DPYSL2: variants seen among roughly 807,000 people sequenced by gnomAD.
DPYSL2 encodes dihydropyrimidinase-related protein 2.
A neutral mutation model predicts 69.9 loss-of-function variants in DPYSL2; 13 were observed. That is an observed-to-expected ratio of 0.19 (90% CI 0.12 to 0.30). The LOEUF (loss-of-function observed/expected upper bound fraction) is 0.30, where lower values mean the gene tolerates loss of function less well. DPYSL2 is among the 10% of genes least tolerant of loss of function. The pLI, the probability that DPYSL2 is intolerant of heterozygous loss-of-function variation, is 1.00. For synonymous variants in DPYSL2, 326 were observed against 359.1 expected, an observed-to-expected ratio of 0.91 and a Z score of 1.04; for missense variants, 587 against 918.9, an observed-to-expected ratio of 0.64 and a Z score of 4.67.
chr8:26,588,970 C>T lies in DPYSL2; in HGVS notation c.628+4987C>T, dbSNP rs1801663907. Among the ~76,000 whole-genome samples, 1 of 152,310 alleles carries T rather than the reference C, an allele frequency of 6.6e-6. No individual in the cohort carries two copies. Among genetic ancestry groups the T allele is most frequent in the South Asian group, 2.1e-4 (1 of 4,828 alleles). ...TTGTCACCTCTTCCTGGATTTTGGC[C>T]CTGTCCTCTGAGGAGTCTTACTGTC... On this transcript the variant is annotated intron_variant, in intron 3 of 13. Coordinates refer to ENST00000521913, the MANE Select transcript of DPYSL2 (RefSeq NM_001197293.3). The surrounding 1 kb of genome is among the most constrained non-coding windows in gnomAD (Gnocchi z 5.4).
chr8:26,644,473 A>AT lies in DPYSL2; in HGVS notation c.1425+392dup, dbSNP rs901717036. Among the ~76,000 whole-genome samples the AT allele has an allele frequency of 2.7e-5, 4 of 149,464 alleles. No homozygotes were observed. Among genetic ancestry groups the AT allele is most frequent in the East Asian group, 2.0e-4 (1 of 5,096 alleles). ...AGGCTCAGACCACCATGCCTGGCTAATTTTTTTTTTATTTTTTGTGGAGAT... is the reference window on the plus strand; with the variant it reads ...AGGCTCAGACCACCATGCCTGGCTAATTTTTTTTTTTATTTTTTGTGGAGAT... On this transcript the variant is annotated intron_variant, in intron 10 of 13. Coordinates refer to ENST00000521913, the MANE Select transcript of DPYSL2 (RefSeq NM_001197293.3). This position sits in a 1 kb window ranked among gnomAD's most constrained non-coding sequence, Gnocchi z 4.5.
At chr8:26,557,892 T>C (rs952807684) in intron 1 of DPYSL2, among the ~76,000 whole-genome samples, 15 of 151,870 alleles carry the variant, frequency 9.9e-5, no homozygotes, top group African/African-American at 3.4e-4. Context: ...TGGCATCTCA[T>C]TTCATCCTCA....
At chr8:26,541,799 A>G (rs1800688161) in intron 1 of DPYSL2, among the ~76,000 whole-genome samples, 2 of 152,240 alleles carry the variant, frequency 1.3e-5, no homozygotes, top group African/African-American at 4.8e-5. Context: ...AAAACCTGTA[A>G]CAGATACACA....
rs1802199549 is a variant in DPYSL2 at position 26,610,461 on chromosome 8, C to T, written c.629-13682C>T. 6.6e-6 allele frequency among the ~76,000 whole-genome samples: 1 copy of T among 152,150 alleles called. No individual in the cohort carries two copies. Among genetic ancestry groups the T allele is most frequent in the Admixed American group, 6.5e-5 (1 of 15,272 alleles). On this transcript the variant is annotated intron_variant, in intron 3 of 13. Coordinates refer to ENST00000521913, the MANE Select transcript of DPYSL2 (RefSeq NM_001197293.3). This position sits in a 1 kb window ranked among gnomAD's most constrained non-coding sequence, Gnocchi z 4.5. ...ATTTACTCTTATGTTACAATTAGTG[C>T]CTGCTTGCTGTGTGAACAGGACAGA...
rs1803031131 is a variant in DPYSL2 at position 26,641,124 on chromosome 8, A to C, written c.1127-2315A>C. ...CAAGAACCAGCCCCTCCTTGTACTT[A>C]AGTTTCTAGAGGCAGGGCCGAGGAG... is the stretch of plus-strand genomic sequence containing the variant. On this transcript the variant is annotated intron_variant, in intron 8 of 13. Transcript: ENST00000521913. This position sits in a 1 kb window ranked among gnomAD's most constrained non-coding sequence, Gnocchi z 4.1. 6.6e-6 allele frequency among the ~76,000 whole-genome samples: 1 copy of C among 152,142 alleles called. No homozygotes were observed. The highest frequency in any genetic ancestry group is 2.1e-4 in the South Asian group (1 of 4,824).
chr8:26,633,721 ACTC>A (rs1280361986), intron 7 of DPYSL2, among the ~76,000 whole-genome samples: 1 of 150,976 alleles, frequency 6.6e-6, no homozygotes, highest in Non-Finnish European at 1.5e-5. Flanking sequence ...GGTGATCCAC[ACTC>A]CTCAGCCTCC....
chr8:26,632,784 G>T (rs1220109543), intron 7 of DPYSL2, among the ~76,000 whole-genome samples: 1 of 152,210 alleles, frequency 6.6e-6, no homozygotes, highest in Non-Finnish European at 1.5e-5. Flanking sequence ...GCCTGGTGCT[G>T]CCGGGCCACA....
At chr8:26,601,981 G>C (rs1802002918) in intron 3 of DPYSL2, among the ~76,000 whole-genome samples, 1 of 152,204 alleles carries the variant, frequency 6.6e-6, no homozygotes, top group Non-Finnish European at 1.5e-5. Flanking sequence ...CCTGGGCAAA[G>C]GCTTATTTTA....
chr8:26,643,578 C>T lies in DPYSL2; in HGVS notation c.1266C>T (p.Leu422=). Residue 422 remains leucine, a synonymous_variant, in exon 9 of 14, where the codon CTC becomes CTT. Coordinates refer to ENST00000521913, the MANE Select transcript of DPYSL2 (RefSeq NM_001197293.3). The surrounding 1 kb of genome is among the most constrained non-coding windows in gnomAD (Gnocchi z 6.5). ...CTGATCCAACCACTCCAGACTTTCT[C>T]AACTCCTTGCTGTCCTGGTGAGTCC... ...LSPDPTTPDF[L]NSLLSCGDLQ... is the part of the protein sequence containing the mutation. The T allele has an allele frequency of 6.2e-7, 1 of 1,614,216 alleles. No individual in the cohort carries two copies. The highest frequency in any genetic ancestry group is 8.5e-7 in the Non-Finnish European group (1 of 1,180,034).
At chr8:26,635,649 C>G (rs1802896316) in intron 8 of DPYSL2, among the ~76,000 whole-genome samples, 1 of 151,946 alleles carries the variant, frequency 6.6e-6, no homozygotes, top group African/African-American at 2.4e-5. Context: ...GGATCTTAGG[C>G]TGATCTGAAA....
chr8:26,618,802 A>G (rs916606308), intron 3 of DPYSL2, among the ~76,000 whole-genome samples: 1 of 118,234 alleles, frequency 8.5e-6, no homozygotes, highest in South Asian at 2.6e-4. Flanking sequence ...AAAAAAAAAT[A>G]CAAAAATTAG....
At position 26,652,497 on chromosome 8, in the gene DPYSL2, A is replaced by G. The variant is rs991803969; in HGVS notation, c.1776+61A>G. On this transcript the variant is annotated intron_variant, in intron 12 of 13. Coordinates refer to ENST00000521913, the MANE Select transcript of DPYSL2 (RefSeq NM_001197293.3). This position sits in a 1 kb window ranked among gnomAD's most constrained non-coding sequence, Gnocchi z 6.3. ...TCACGAATTAAGTTCAAGGCCACAAACATTTATTAAGCACCTTGAGACAGA... is the reference window on the plus strand; with the variant it reads ...TCACGAATTAAGTTCAAGGCCACAAGCATTTATTAAGCACCTTGAGACAGA... 2.0e-6 allele frequency: 3 copies of G among 1,508,726 alleles called. No homozygotes were observed. Among genetic ancestry groups the G allele is most frequent in the Non-Finnish European group, 2.7e-6 (3 of 1,106,916 alleles). The allele number at this position is 1,508,726 out of a possible 1,614,324, so 93.5% of individuals were successfully genotyped here.
At chr8:26,634,428 C>CTTTTTTTTTTT (rs55746168) in intron 7 of DPYSL2, among the ~76,000 whole-genome samples, 41 of 91,132 alleles carry the variant, frequency 4.5e-4, no homozygotes, top group Non-Finnish European at 7.6e-4. Flanking sequence ...CCATGCCCAG[C>CTTTTTTTTTTT]TTTTTTTTTT....
intron 3 of DPYSL2, among the ~76,000 whole-genome samples, chr8:26,601,005 G>A (rs913483485): frequency 6.6e-6 from 1 of 152,190 alleles, no homozygotes; most frequent in Admixed American, 6.5e-5. Context: ...ACAGCACACA[G>A]CCTGCGGGGT....
chr8:26,531,795 A>G (rs1235264865), intron 1 of DPYSL2, among the ~76,000 whole-genome samples: 1 of 151,958 alleles, frequency 6.6e-6, no homozygotes, highest in Non-Finnish European at 1.5e-5. Flanking sequence ...TTAAAGGCAG[A>G]AAAAAAATGA....
chr8:26,581,318 GTTGT>G (rs1382509627), intron 1 of DPYSL2, among the ~76,000 whole-genome samples: 1 of 150,004 alleles, frequency 6.7e-6, no homozygotes, highest in Admixed American at 6.6e-5. Context: ...TTTTTTTGTT[GTTGT>G]TTGTTTGTTT....
chr8:26,525,020 C>T (rs1808453933), intron 1 of DPYSL2, among the ~76,000 whole-genome samples: 1 of 151,976 alleles, frequency 6.6e-6, no homozygotes, highest in African/African-American at 2.4e-5. Context: ...TTAATGTCAT[C>T]TGCTACATAT....
intron 3 of DPYSL2, among the ~76,000 whole-genome samples, chr8:26,594,345 T>C (rs1450140167): frequency 2.0e-5 from 3 of 149,848 alleles, no homozygotes; most frequent in Non-Finnish European, 4.4e-5. Flanking sequence ...ATCATCTATC[T>C]CTATCTATCT....
At chr8:26,628,654 G>A (rs1238287063) in intron 7 of DPYSL2, among the ~76,000 whole-genome samples, 2 of 152,206 alleles carry the variant, frequency 1.3e-5, no homozygotes, top group East Asian at 1.9e-4. Flanking sequence ...CTGCAGCTTC[G>A]AGTGAAGCGT....
Sources: gnomAD v4.1 joint callset for allele counts (sites outside exome capture counted in the v4.1 genomes callset) on GRCh38, gnomAD v4.1.1 for gene constraint, Gnocchi (gnomAD v3.1) non-coding constraint, MANE v1.5 for transcripts, NCBI Gene and HGNC (gene_info 2026-07-23, HGNC 2026-07-21) for gene names.